The following CPQ variants were observed in gnomAD, a reference collection of about 807,000 sequenced individuals.
The protein encoded by CPQ is Ser-Met dipeptidase.
Under a neutral mutation model 45.7 loss-of-function variants are expected in CPQ, and 37 were observed. The ratio of observed to expected loss-of-function variants is 0.81; its 90% CI spans 0.62 to 1.07. The LOEUF is 1.07. Ranked by LOEUF, CPQ falls within the 50% of genes least tolerant of loss-of-function variation. The probability of loss-of-function intolerance (pLI) is 0.00; values close to 1 mark genes in which losing one functional copy is unlikely to be tolerated. For missense variants in CPQ, 537 were observed against 572.9 expected (o/e 0.94, Z 0.64); for synonymous variants, 186 against 205.8 (o/e 0.90, Z 0.82).
intron 5 of CPQ, among the ~76,000 whole-genome samples, chr8:97,003,508 A>G (rs1809323245): frequency 6.6e-6 from 1 of 152,148 alleles, no homozygotes; most frequent in African/African-American, 2.4e-5. Flanking sequence ...GTCTTGACTT[A>G]TTCTTCAGCT....
At chr8:97,119,854 T>C (rs546105500) in intron 7 of CPQ, among the ~76,000 whole-genome samples, 1 of 152,302 alleles carries the variant, frequency 6.6e-6, no homozygotes, top group East Asian at 1.9e-4. Flanking sequence ...CTTCAGATCA[T>C]GCCAACATCT....
At chr8:97,139,346 TGA>T (rs1215218631) in intron 7 of CPQ, among the ~76,000 whole-genome samples, 2 of 152,136 alleles carry the variant, frequency 1.3e-5, no homozygotes, top group Non-Finnish European at 2.9e-5. Flanking sequence ...CTCTCAAAAT[TGA>T]TGGGTCAAAT....
At chr8:96,967,098 C>T (rs1455219685) in intron 5 of CPQ, among the ~76,000 whole-genome samples, 1 of 152,224 alleles carries the variant, frequency 6.6e-6, no homozygotes, top group Non-Finnish European at 1.5e-5. Flanking sequence ...TCCTCCTCTT[C>T]TCTTAAAAAT....
rs528515368 is a variant in CPQ, at chr8:97,007,576, A to G, written c.962-21827A>G. Among the ~76,000 whole-genome samples, 222 of 152,336 alleles carry G rather than the reference A, an allele frequency of 1.5e-3. 1 individual carries two copies. The highest frequency in any genetic ancestry group is 7.4e-3 in the Admixed American group (113 of 15,296). ...CCTTAGAAAAATTCCTTACTTACTC[A>G]AAAGCCAAAGCAAAGAACTATTTCT... On this transcript the variant is annotated intron_variant, in intron 5 of 7. Transcript: ENST00000220763.
intron 5 of CPQ, among the ~76,000 whole-genome samples, chr8:96,972,068 C>CTGTT (rs908688186): frequency 6.6e-6 from 1 of 152,190 alleles, no homozygotes; most frequent in Non-Finnish European, 1.5e-5. Flanking sequence ...AACTATGAGT[C>CTGTT]TGTTTGCTTT....
intron 1 of CPQ, among the ~76,000 whole-genome samples, chr8:96,690,843 G>A (rs918589980): frequency 2.0e-5 from 3 of 152,086 alleles, no homozygotes; most frequent in Admixed American, 2.0e-4. Flanking sequence ...CCACATTATG[G>A]CTTCCTTTTC....
chr8:97,005,090 T>TG (rs1370388826), intron 5 of CPQ, among the ~76,000 whole-genome samples: 1 of 149,696 alleles, frequency 6.7e-6, no homozygotes, highest in Non-Finnish European at 1.5e-5. Context: ...TTTATGATCT[T>TG]TTTTTTTTTG....
At chr8:96,852,374 G>C (rs924822900) in intron 3 of CPQ, among the ~76,000 whole-genome samples, 1 of 152,176 alleles carries the variant, frequency 6.6e-6, no homozygotes, top group Admixed American at 6.5e-5. Context: ...AGTGAAGGTA[G>C]TTTGTACTAT....
rs750445631 is a variant in CPQ at position 96,835,185 on chromosome 8, G to T, written c.641+5G>T. The T allele has an allele frequency of 6.9e-7, 1 of 1,447,282 alleles. No individual in the cohort carries two copies. Among genetic ancestry groups the T allele is most frequent in the Non-Finnish European group, 9.2e-7 (1 of 1,092,146 alleles). 89.7% of individuals were successfully genotyped at this position (1,447,282 alleles called of 1,614,324 possible). On this transcript the variant is annotated splice_donor_5th_base_variant and intron_variant, in intron 3 of 7. Transcript: ENST00000220763. Reference sequence around the variant, plus strand: ...GGCCTCCTTCTCCATCTACAGGTTTGTCACAATGTTCATTTGAATTCCTTT... The same window carrying T: ...GGCCTCCTTCTCCATCTACAGGTTTTTCACAATGTTCATTTGAATTCCTTT...
At chr8:96,760,488 G>A (rs1410844673) in intron 1 of CPQ, among the ~76,000 whole-genome samples, 1 of 152,164 alleles carries the variant, frequency 6.6e-6, no homozygotes, top group East Asian at 1.9e-4. Flanking sequence ...AGTGGGCTCA[G>A]TGGTGATGTT....
At chr8:96,999,903 A>G (rs1393239674) in intron 5 of CPQ, among the ~76,000 whole-genome samples, 4 of 151,358 alleles carry the variant, frequency 2.6e-5, no homozygotes, top group Admixed American at 6.6e-5. Flanking sequence ...AGCATCTGTT[A>G]TTTTTGACTT....
At chr8:97,112,887 C>G (rs915232523) in intron 7 of CPQ, among the ~76,000 whole-genome samples, 1 of 152,196 alleles carries the variant, frequency 6.6e-6, no homozygotes, top group Non-Finnish European at 1.5e-5. Context: ...GTAGCACACC[C>G]ACAGAAGTTG....
intron 1 of CPQ, among the ~76,000 whole-genome samples, chr8:96,772,971 C>A (rs1456004062): frequency 2.6e-5 from 4 of 152,074 alleles, no homozygotes; most frequent in Non-Finnish European, 5.9e-5. Flanking sequence ...AGAAATGCCA[C>A]CCCATTTTTA....
At chr8:96,893,633 A>T (rs965842212) in intron 4 of CPQ, among the ~76,000 whole-genome samples, 6 of 152,216 alleles carry the variant, frequency 3.9e-5, no homozygotes, top group African/African-American at 1.4e-4. Flanking sequence ...AAATAATTGG[A>T]CTAAGGTCAG....
chr8:96,851,586 G>A (rs1321212461), intron 3 of CPQ, among the ~76,000 whole-genome samples: 2 of 152,182 alleles, frequency 1.3e-5, no homozygotes, highest in East Asian at 3.9e-4. Context: ...AAATCTTTGT[G>A]TGAAACCTCT....
At chr8:96,719,599 A>G (rs1164529596) in intron 1 of CPQ, among the ~76,000 whole-genome samples, 1 of 152,174 alleles carries the variant, frequency 6.6e-6, no homozygotes, top group Non-Finnish European at 1.5e-5. Context: ...CAGAGGAGGC[A>G]CTGAGAGCGA....
intron 4 of CPQ, among the ~76,000 whole-genome samples, chr8:96,965,048 T>G (rs565442663): frequency 6.6e-6 from 1 of 152,316 alleles, no homozygotes; most frequent in South Asian, 2.1e-4. Context: ...ATTTCAAATG[T>G]GTAATATAAT....
rs183452020 is a variant in CPQ at position 96,880,022 on chromosome 8, G to A, written c.849+17G>A. Reference sequence around the variant, plus strand: ...CCAGAACAGGTGAGTGAAGGAGAAGGCTGGCCTAAGAATACAGTTTCCTGG... The same window carrying A: ...CCAGAACAGGTGAGTGAAGGAGAAGACTGGCCTAAGAATACAGTTTCCTGG... On this transcript the variant is annotated intron_variant, in intron 4 of 7. Coordinates refer to ENST00000220763, the MANE Select transcript of CPQ (RefSeq NM_016134.4). 2 of 1,604,572 alleles carry A rather than the reference G, an allele frequency of 1.2e-6. No homozygotes were observed. The highest frequency in any genetic ancestry group is 2.7e-5 in the African/African-American group (2 of 74,698).
intron 2 of CPQ, among the ~76,000 whole-genome samples, chr8:96,808,359 T>C (rs2130827352): frequency 6.6e-6 from 1 of 152,192 alleles, no homozygotes; most frequent in Non-Finnish European, 1.5e-5. Flanking sequence ...GAGAGATTAT[T>C]ATGGGATCAC....
Sources: allele counts gnomAD v4.1 joint callset (sites outside exome capture counted in the v4.1 genomes callset), GRCh38; gene constraint gnomAD v4.1.1; transcripts MANE v1.5; gene names NCBI Gene and HGNC (gene_info 2026-07-23, HGNC 2026-07-21).